HECW1: variants seen among roughly 807,000 people sequenced by gnomAD.
HECW1 encodes E3 ubiquitin-protein ligase HECW1.
A neutral mutation model predicts 182.3 loss-of-function variants in HECW1; 61 were observed. The ratio of observed to expected loss-of-function variants is 0.33; its 90% confidence interval spans 0.27 to 0.41. HECW1 has a LOEUF of 0.41. Among genes scored for constraint, HECW1 ranks in the 10% least tolerant of loss-of-function variants. The pLI is 1.00. For synonymous variants in HECW1, 859 were observed against 832.6 expected, an observed-to-expected ratio of 1.03 and a Z score of -0.55; for missense variants, 1,739 against 2,108.9, an observed-to-expected ratio of 0.82 and a Z score of 3.44.
chr7:43,553,343 G>T (rs999909084), intron 28 of HECW1, among the ~76,000 whole-genome samples: 1 of 152,054 alleles, frequency 6.6e-6, no homozygotes, highest in African/African-American at 2.4e-5. Context: ...ACTCAGCCCC[G>T]CAATGCCTCT....
At chr7:43,380,390 A>C (rs2074497835) in intron 6 of HECW1, among the ~76,000 whole-genome samples, 1 of 151,478 alleles carries the variant, frequency 6.6e-6, no homozygotes, top group South Asian at 2.1e-4. Context: ...GCTCAACATT[A>C]CTTTTGTAGG....
chr7:43,387,144 C>T (rs2074832268), intron 6 of HECW1, among the ~76,000 whole-genome samples: 1 of 152,078 alleles, frequency 6.6e-6, no homozygotes, highest in Non-Finnish European at 1.5e-5. Flanking sequence ...AGCCCTCATT[C>T]TCCCACTCCC....
At chr7:43,433,068 G>A (rs941535981) in intron 8 of HECW1, among the ~76,000 whole-genome samples, 1 of 152,238 alleles carries the variant, frequency 6.6e-6, no homozygotes, top group Non-Finnish European at 1.5e-5. Context: ...AGGACATGAG[G>A]CAATGTCTGG....
At chr7:43,261,216 A>T (rs1801135010) in intron 3 of HECW1, among the ~76,000 whole-genome samples, 1 of 152,170 alleles carries the variant, frequency 6.6e-6, no homozygotes, top group Non-Finnish European at 1.5e-5. Context: ...AGTGATGAAT[A>T]TTTGAAAATT....
At chr7:43,246,042 T>C (rs912516242) in intron 3 of HECW1, among the ~76,000 whole-genome samples, 3 of 152,148 alleles carry the variant, frequency 2.0e-5, no homozygotes, top group East Asian at 3.9e-4. Context: ...TATGAAAATA[T>C]CTGGAAATAA....
chr7:43,389,378 C>A (rs1158472551), intron 6 of HECW1, among the ~76,000 whole-genome samples: 3 of 152,174 alleles, frequency 2.0e-5, no homozygotes, highest in Non-Finnish European at 4.4e-5. Context: ...GTAGGCGATT[C>A]TGATGCATGC....
intron 16 of HECW1, among the ~76,000 whole-genome samples, chr7:43,469,909 TCCCCAA>T (rs2077948045): frequency 2.0e-5 from 3 of 152,164 alleles, no homozygotes; most frequent in African/African-American, 7.2e-5. Context: ...AAAGCCACGT[TCCCCAA>T]AGGGAGCTGA....
chr7:43,451,007 A>G (rs2077217197), intron 12 of HECW1, 78 bp downstream of exon 12: 3 of 991,720 alleles, frequency 3.0e-6, no homozygotes, highest in South Asian at 2.6e-5. Context: ...TTGTGTGTAA[A>G]CATCTAAAGT....
intron 24 of HECW1, among the ~76,000 whole-genome samples, chr7:43,530,879 A>G (rs779627752): frequency 6.6e-6 from 1 of 152,198 alleles, no homozygotes; most frequent in Non-Finnish European, 1.5e-5. Flanking sequence ...TATATCCTTC[A>G]TATGGGTGCA....
chr7:43,391,498 C>T (rs951483107), intron 6 of HECW1, among the ~76,000 whole-genome samples: 3 of 152,170 alleles, frequency 2.0e-5, no homozygotes, highest in African/African-American at 4.8e-5. Flanking sequence ...TAAAATAGTG[C>T]GTATGGAAGA....
At chr7:43,365,513 G>A (rs1816530033) in intron 6 of HECW1, among the ~76,000 whole-genome samples, 2 of 152,212 alleles carry the variant, frequency 1.3e-5, no homozygotes, top group Admixed American at 1.3e-4. Flanking sequence ...TAGAGGCTGG[G>A]TCATGTGTAG....
At position 43,441,960 on chromosome 7, in the gene HECW1, GA is replaced by G. The variant is rs1410287095; in HGVS notation, c.945-567del. Among the ~76,000 whole-genome samples, 12 of 152,296 alleles carry G rather than the reference GA, an allele frequency of 7.9e-5. No homozygotes were observed. The South Asian group carries it at 2.1e-3, about 26-fold the overall frequency. On this transcript the variant is annotated intron_variant, in intron 9 of 29. Coordinates refer to ENST00000395891, the MANE Select transcript of HECW1 (RefSeq NM_015052.5). ...ACTTAACCATTTTTTGCTTTACAAT[GA>G]ATTCAGCAGAAACCATACATCGAAT...
rs1796623272 is a variant in HECW1, at chr7:43,218,345, T to C, written c.-31-25530T>C. On this transcript the variant is annotated intron_variant, in intron 2 of 29. Transcript: ENST00000395891. ...CCTTGAGAACCTGCTCATCTGAACC[T>C]CTTAGAGCTCAGGGTATTTTTTTCC... 1.3e-5 allele frequency among the ~76,000 whole-genome samples: 2 copies of C among 152,180 alleles called. 1 individual carries two copies. Among genetic ancestry groups the C allele is most frequent in the South Asian group, 4.1e-4 (2 of 4,832 alleles).
chr7:43,252,834 A>C (rs930827406), intron 3 of HECW1, among the ~76,000 whole-genome samples: 1 of 152,234 alleles, frequency 6.6e-6, no homozygotes, highest in Non-Finnish European at 1.5e-5. Flanking sequence ...TTAACAGTAG[A>C]TGTAGAATGT....
intron 3 of HECW1, among the ~76,000 whole-genome samples, chr7:43,268,248 A>G (rs1003733445): frequency 1.3e-5 from 2 of 152,232 alleles, no homozygotes; most frequent in Admixed American, 1.3e-4. Context: ...ACATAAGCCA[A>G]TGAGATAAAT....
chr7:43,342,372 TA>T (rs1813104570), intron 5 of HECW1, among the ~76,000 whole-genome samples: 1 of 151,776 alleles, frequency 6.6e-6, no homozygotes, highest in African/African-American at 2.4e-5. Flanking sequence ...ATTTAATTCA[TA>T]AAAAGAAATA....
chr7:43,384,208 A>C (rs981788145), intron 6 of HECW1, among the ~76,000 whole-genome samples: 3 of 152,234 alleles, frequency 2.0e-5, no homozygotes, highest in Admixed American at 2.0e-4. Flanking sequence ...ACTACCGGTT[A>C]CTTCTAGAGC....
chr7:43,545,181 C>T (rs149077152), intron 26 of HECW1, among the ~76,000 whole-genome samples: 252 of 152,338 alleles, frequency 1.7e-3, no homozygotes, highest in African/African-American at 5.7e-3. Flanking sequence ...TGACTGTCTC[C>T]AGAAAGGGAG....
chr7:43,440,061 C>A (rs2152873936), intron 9 of HECW1: 1 of 152,492 alleles, frequency 6.6e-6, no homozygotes, highest in African/African-American at 2.4e-5. Flanking sequence ...TGCAGTGCTG[C>A]CTCCTCCGGA....
Sources: gnomAD v4.1 joint callset for allele counts (sites outside exome capture counted in the v4.1 genomes callset) on GRCh38, gnomAD v4.1.1 for gene constraint, MANE v1.5 for transcripts, NCBI Gene and HGNC (gene_info 2026-07-23, HGNC 2026-07-21) for gene names.